Variants in PDE4D observed in about 807,000 individuals in gnomAD.
PDE4D encodes the protein phosphodiesterase 4D, also known as 3',5'-cyclic-AMP phosphodiesterase 4D.
In PDE4D, 24 loss-of-function variants were observed where a neutral mutation model predicts 87.4. That is an observed-to-expected ratio of 0.27 (90% CI 0.20 to 0.39). The LOEUF is 0.39. Ranked by LOEUF, PDE4D falls within the 10% of genes least tolerant of loss-of-function variation. PDE4D has a pLI of 1.00. For synonymous variants in PDE4D, 384 were observed against 383.2 expected (o/e 1.00, Z -0.02); for missense variants, 714 against 1,041.0 (o/e 0.69, Z 4.32).
chr5:59,468,044 G>A (rs912589191), intron 1 of PDE4D, among the ~76,000 whole-genome samples: 1 of 152,100 alleles, frequency 6.6e-6, no homozygotes, highest in African/African-American at 2.4e-5. Context: ...TTCCATTGAG[G>A]ATTTTAAGAA....
chr5:59,210,773 T>C (rs1438678949), intron 2 of PDE4D, among the ~76,000 whole-genome samples: 1 of 152,222 alleles, frequency 6.6e-6, no homozygotes, highest in African/African-American at 2.4e-5. Context: ...GTGTTGGTGT[T>C]AATTTAACAG....
At chr5:59,261,790 T>C (rs1238657939) in intron 1 of PDE4D, among the ~76,000 whole-genome samples, 1 of 151,794 alleles carries the variant, frequency 6.6e-6, no homozygotes, top group Non-Finnish European at 1.5e-5. Context: ...TAAATTTAAA[T>C]ATTTAACTTG....
chr5:59,984,933 G>T (rs1048658909), intron 3 of PDE4D, among the ~76,000 whole-genome samples: 5 of 151,934 alleles, frequency 3.3e-5, no homozygotes, highest in African/African-American at 1.2e-4. Context: ...AATTGCTAAG[G>T]TATGGTCTCA....
At chr5:59,378,055 TA>T (rs796411932) in intron 1 of PDE4D, among the ~76,000 whole-genome samples, 4 of 150,958 alleles carry the variant, frequency 2.6e-5, no homozygotes, top group African/African-American at 7.3e-5. Context: ...ATAGACTGGA[TA>T]AAAAAAAATG....
intron 1 of PDE4D, among the ~76,000 whole-genome samples, chr5:59,839,021 T>C (rs1742572960): frequency 6.6e-6 from 1 of 151,934 alleles, no homozygotes; most frequent in Non-Finnish European, 1.5e-5. Context: ...AAAGGATGAA[T>C]CAAAACTTGG....
chr5:59,492,349 G>T (rs558916424), intron 1 of PDE4D, among the ~76,000 whole-genome samples: 1 of 152,156 alleles, frequency 6.6e-6, no homozygotes, highest in East Asian at 1.9e-4. Flanking sequence ...TATAAGAAAT[G>T]CTGTCTGATT....
intron 1 of PDE4D, among the ~76,000 whole-genome samples, chr5:59,563,226 C>T (rs549254793): frequency 2.4e-4 from 37 of 152,330 alleles, no homozygotes; most frequent in African/African-American, 8.7e-4. Flanking sequence ...AAGGTTACCA[C>T]ACAAAGTGCT....
chr5:59,434,710 C>A (rs1796562366), intron 1 of PDE4D, among the ~76,000 whole-genome samples: 1 of 152,030 alleles, frequency 6.6e-6, no homozygotes, highest in Admixed American at 6.6e-5. Flanking sequence ...TGTGTTCCTC[C>A]CCTCCTCCAC....
chr5:59,876,753 C>A (rs1328158354), intron 1 of PDE4D, among the ~76,000 whole-genome samples: 1 of 152,080 alleles, frequency 6.6e-6, no homozygotes, highest in Non-Finnish European at 1.5e-5. Context: ...TGTCAATGCA[C>A]TATGAAAAAG....
chr5:60,107,783 A>C (rs941255119), intron 2 of PDE4D, among the ~76,000 whole-genome samples: 23 of 152,226 alleles, frequency 1.5e-4, no homozygotes, highest in Non-Finnish European at 3.2e-4. Flanking sequence ...ATAGATGCAG[A>C]AAAGGCCTTT....
At chr5:59,035,027 A>G (rs1039546126) in intron 6 of PDE4D, among the ~76,000 whole-genome samples, 4 of 152,246 alleles carry the variant, frequency 2.6e-5, no homozygotes, top group African/African-American at 9.6e-5. Context: ...AGGGTTCCAT[A>G]GCATAATCCT....
chr5:59,800,474 C>A (rs1263194836), intron 1 of PDE4D, among the ~76,000 whole-genome samples: 2 of 152,072 alleles, frequency 1.3e-5, no homozygotes, highest in Non-Finnish European at 2.9e-5. Context: ...TGCAGGGAGT[C>A]TCAAGTGCAT....
At chr5:59,066,102 T>C (rs1763885633) in intron 5 of PDE4D, among the ~76,000 whole-genome samples, 1 of 152,174 alleles carries the variant, frequency 6.6e-6, no homozygotes, top group Admixed American at 6.6e-5. Flanking sequence ...AATTCATTGA[T>C]TCATTGAACA....
At chr5:59,176,976 A>G (rs1050154745) in intron 5 of PDE4D, among the ~76,000 whole-genome samples, 2 of 152,168 alleles carry the variant, frequency 1.3e-5, no homozygotes, top group African/African-American at 4.8e-5. Context: ...TTTTCCTCTC[A>G]TGATCTTGCA....
rs575810924 is a variant in PDE4D, at chr5:59,581,259, A to T, written c.455+311909T>A. ...GGAACATTCGACCTATGGCAATAAA[A>T]AACTGGTTGTTTAGTTTTTTTGGGT... On this transcript the variant is annotated intron_variant, in intron 1 of 14. Transcript: ENST00000340635. 3.3e-5 allele frequency among the ~76,000 whole-genome samples: 5 copies of T among 152,288 alleles called. No individual in the cohort carries two copies. The East Asian group carries it at 9.6e-4, about 29-fold the overall frequency.
At chr5:59,291,419 G>A (rs762407178) in intron 1 of PDE4D, among the ~76,000 whole-genome samples, 3 of 151,942 alleles carry the variant, frequency 2.0e-5, no homozygotes, top group Non-Finnish European at 2.9e-5. Context: ...GACAGTTTCC[G>A]GAGGTTAGGT....
chr5:60,387,539 C>T lies in PDE4D; in HGVS notation c.-90+100403G>A, dbSNP rs185456733. Among the ~76,000 whole-genome samples, 130 of 152,338 alleles carry T rather than the reference C, an allele frequency of 8.5e-4. 1 individual carries two copies. The Middle Eastern group carries it at 0.02, about 24-fold the overall frequency. On this transcript the variant is annotated intron_variant, in intron 1 of 16. Transcript: ENST00000502484. ...AGAGGGTAAAATGTAACATGGGTGA[C>T]AGGGGCAGAGATGCCTGTACTGACC...
chr5:59,024,834 C>CT (rs1755904881), intron 6 of PDE4D, among the ~76,000 whole-genome samples: 1 of 152,004 alleles, frequency 6.6e-6, no homozygotes, highest in African/African-American at 2.4e-5. Context: ...AAGAAAACAA[C>CT]AGAAAATCAA....
chr5:60,074,379 G>C (rs899370043), intron 2 of PDE4D, among the ~76,000 whole-genome samples: 1 of 151,992 alleles, frequency 6.6e-6, no homozygotes, highest in African/African-American at 2.4e-5. Flanking sequence ...ATTGCACTGT[G>C]GTTCAATATG....
Sources: gnomAD v4.1 joint callset for allele counts (sites outside exome capture counted in the v4.1 genomes callset) on GRCh38, gnomAD v4.1.1 for gene constraint, MANE v1.5 for transcripts, NCBI Gene and HGNC (gene_info 2026-07-23, HGNC 2026-07-21) for gene names.